The following CDH9 variants were observed in gnomAD, a reference collection of about 807,000 sequenced individuals.
CDH9 encodes cadherin-9.
In CDH9, 28 loss-of-function variants were observed where a neutral mutation model predicts 70.9. The ratio of observed to expected loss-of-function variants is 0.40; its 90% confidence interval spans 0.29 to 0.54. CDH9 has a LOEUF of 0.54. Among genes scored for constraint, CDH9 ranks in the 20% least tolerant of loss-of-function variants. CDH9 has a pLI of 0.59. For missense variants in CDH9, 874 were observed against 984.4 expected (o/e 0.89, Z 1.50); for synonymous variants, 409 against 343.1 (o/e 1.19, Z -2.12).
At chr5:26,887,127 CATG>C (rs1222322293) in intron 9 of CDH9, among the ~76,000 whole-genome samples, 22 of 152,160 alleles carry the variant, frequency 1.4e-4, no homozygotes, top group Middle Eastern at 6.8e-3. Context: ...ATTTTGACAG[CATG>C]ATATGTAACT....
intron 1 of CDH9, among the ~76,000 whole-genome samples, chr5:27,009,287 G>A (rs1742917386): frequency 6.6e-6 from 1 of 152,098 alleles, no homozygotes; most frequent in Admixed American, 6.6e-5. Context: ...AAGTTTAGAG[G>A]AAGCATCACA....
At position 26,918,562 on chromosome 5, in the gene CDH9, C is replaced by T. The variant is rs139348966; in HGVS notation, c.229-2638G>A. On this transcript the variant is annotated intron_variant, in intron 2 of 11. Coordinates refer to ENST00000231021, the MANE Select transcript of CDH9 (RefSeq NM_016279.4). ...TCATAAATAAAACTTGCCTTTTTAA[C>T]ATAAGTTGAATGGATAGACTTGAAT... Among the ~76,000 whole-genome samples, 120 of 152,296 alleles carry T rather than the reference C, an allele frequency of 7.9e-4. No individual in the cohort carries two copies. In the East Asian group the frequency reaches 0.021, roughly 26 times the overall value.
intron 2 of CDH9, among the ~76,000 whole-genome samples, chr5:26,926,264 G>A (rs1251303903): frequency 1.3e-5 from 2 of 149,360 alleles, no homozygotes; most frequent in African/African-American, 2.5e-5. Flanking sequence ...CAAAATCAAC[G>A]TGCAAAAATC....
At chr5:27,036,245 C>T (rs764295179) in intron 1 of CDH9, among the ~76,000 whole-genome samples, 16 of 151,930 alleles carry the variant, frequency 1.1e-4, no homozygotes, top group East Asian at 2.0e-4. Flanking sequence ...GTACCATGGA[C>T]GGGACACTGC....
rs59145200 is a variant in CDH9 at position 26,883,041 on chromosome 5, TTATATATATATATATATATATA to T, written c.1883-1440_1883-1419del. On this transcript the variant is annotated intron_variant, in intron 11 of 11. Coordinates refer to ENST00000231021, the MANE Select transcript of CDH9 (RefSeq NM_016279.4). ...AAGCTGAGCTATATTCAGGATCATCTTATATATATATATATATATATATATATATATATATATATATATATAT... is the reference window on the plus strand; with the variant it reads ...AAGCTGAGCTATATTCAGGATCATCTTATATATATATATATATATATATAT... Among the ~76,000 whole-genome samples the T allele has an allele frequency of 2.2e-3, 130 of 58,026 alleles. 4 individuals are homozygous for T. Among genetic ancestry groups the T allele is most frequent in the East Asian group, 0.016 (31 of 1,894 alleles). 38.1% of individuals were successfully genotyped at this position (58,026 alleles called of 152,430 possible). A position where few individuals can be genotyped will look rare whatever the true frequency, so the allele number is the denominator to read the frequency against.
chr5:27,009,133 C>T (rs79182864), intron 1 of CDH9, among the ~76,000 whole-genome samples: 2,425 of 152,206 alleles, frequency 0.016, 36 homozygotes, highest in Middle Eastern at 0.071. Context: ...AGAAAGGCAG[C>T]TCACAAGCCA....
rs533427089 is a variant in CDH9 at position 26,948,001 on chromosome 5, G to C, written c.229-32077C>G. Among the ~76,000 whole-genome samples, 22 of 152,220 alleles carry C rather than the reference G, an allele frequency of 1.4e-4. No homozygotes were observed. The South Asian group carries it at 2.5e-3, about 17-fold the overall frequency. On this transcript the variant is annotated intron_variant, in intron 2 of 11. Transcript: ENST00000231021. ...AAGTAAAGGAAATTTTGAACACCGA[G>C]AGTCGAAACTTCTCCATTTATTGGT...
At chr5:26,882,673 T>C (rs1740486380) in intron 11 of CDH9, among the ~76,000 whole-genome samples, 1 of 152,012 alleles carries the variant, frequency 6.6e-6, no homozygotes, top group South Asian at 2.1e-4. Context: ...AAAACACACT[T>C]CAGCATTACC....
intron 2 of CDH9, among the ~76,000 whole-genome samples, chr5:26,946,388 A>G (rs1377702026): frequency 6.6e-6 from 1 of 152,158 alleles, no homozygotes; most frequent in Non-Finnish European, 1.5e-5. Context: ...TCTTTTGCTC[A>G]GACTGATGCT....
chr5:26,980,930 A>T lies in CDH9; in HGVS notation c.228+7176T>A, dbSNP rs187297556. Among the ~76,000 whole-genome samples the T allele has an allele frequency of 1.3e-4, 20 of 152,180 alleles. No individual in the cohort carries two copies. In the East Asian group the frequency reaches 3.9e-3, roughly 29 times the overall value. ...GACTTAAGATAGTGTTCCACACTGT[A>T]GGTGCTCAGTTTTTTCAAAATTAAT... On this transcript the variant is annotated intron_variant, in intron 2 of 11. Coordinates refer to ENST00000231021, the MANE Select transcript of CDH9 (RefSeq NM_016279.4).
chr5:26,913,758 T>C (rs1741095187), intron 3 of CDH9, among the ~76,000 whole-genome samples: 2 of 20,236 alleles, frequency 9.9e-5, no homozygotes, highest in South Asian at 4.8e-3. Flanking sequence ...CATATATGTT[T>C]GTGTGTGTGT....
At chr5:26,904,380 TA>T (rs34645857) in intron 5 of CDH9, among the ~76,000 whole-genome samples, 149,863 of 152,000 alleles carry the variant, frequency 0.99, 73,909 homozygotes, top group East Asian at 1. Context: ...CTGGTAACCC[TA>T]AAAAGCATTT....
At chr5:26,895,999 A>G (rs998111203) in intron 7 of CDH9, among the ~76,000 whole-genome samples, 2 of 151,974 alleles carry the variant, frequency 1.3e-5, no homozygotes, top group African/African-American at 4.8e-5. Context: ...CCTCTGTGCT[A>G]TGCTTTCCGG....
At chr5:26,909,482 A>G (rs1277698447) in intron 3 of CDH9, among the ~76,000 whole-genome samples, 3 of 151,256 alleles carry the variant, frequency 2.0e-5, no homozygotes, top group Admixed American at 6.6e-5. Context: ...TGACAAATTT[A>G]TATATTGCAT....
At chr5:26,894,054 A>T (rs1740705778) in intron 7 of CDH9, among the ~76,000 whole-genome samples, 2 of 152,150 alleles carry the variant, frequency 1.3e-5, no homozygotes, top group Non-Finnish European at 2.9e-5. Context: ...AATAAAAACA[A>T]ACCTAAAACG....
chr5:26,951,290 T>A (rs12153566), intron 2 of CDH9, among the ~76,000 whole-genome samples: 76,857 of 95,014 alleles, frequency 0.81, 30,271 homozygotes, highest in East Asian at 0.99. Flanking sequence ...AGACTCTGTC[T>A]CAAAAAAAAA....
chr5:27,036,526 A>G (rs1194541803), intron 1 of CDH9, among the ~76,000 whole-genome samples: 1 of 151,968 alleles, frequency 6.6e-6, no homozygotes, highest in South Asian at 2.1e-4. Context: ...TAAAACTATC[A>G]AATACTGTAA....
chr5:27,000,282 A>G (rs1168321240), intron 1 of CDH9, among the ~76,000 whole-genome samples: 3 of 152,184 alleles, frequency 2.0e-5, no homozygotes, highest in Non-Finnish European at 4.4e-5. Context: ...AATTTTTTGC[A>G]GTTAGTGAAT....
chr5:26,928,637 A>G (rs1460665241), intron 2 of CDH9, among the ~76,000 whole-genome samples: 1 of 152,094 alleles, frequency 6.6e-6, no homozygotes, highest in Non-Finnish European at 1.5e-5. Flanking sequence ...TACTGGTGTA[A>G]AAACAGACAT....
Sources: gnomAD v4.1 joint callset for allele counts (sites outside exome capture counted in the v4.1 genomes callset) on GRCh38, gnomAD v4.1.1 for gene constraint, MANE v1.5 for transcripts, NCBI Gene and HGNC (gene_info 2026-07-23, HGNC 2026-07-21) for gene names.